ARHGEF28: variants seen among roughly 807,000 people sequenced by gnomAD.
ARHGEF28 encodes the protein 190 kDa guanine nucleotide exchange factor.
In ARHGEF28, 152 loss-of-function variants were observed where a neutral mutation model predicts 206.6. That is an observed-to-expected ratio of 0.74 (90% confidence interval 0.64 to 0.84). ARHGEF28 has a LOEUF of 0.84. Ranked by LOEUF, ARHGEF28 falls within the 40% of genes least tolerant of loss-of-function variation. ARHGEF28 has a pLI of 0.00. For missense variants in ARHGEF28, 2,028 were observed against 2,073.2 expected, an observed-to-expected ratio of 0.98 and a Z score of 0.42; for synonymous variants, 763 against 776.4, an observed-to-expected ratio of 0.98 and a Z score of 0.29.
At chr5:73,924,780 G>A (rs1763708523) in intron 35 of ARHGEF28, among the ~76,000 whole-genome samples, 1 of 152,142 alleles carries the variant, frequency 6.6e-6, no homozygotes, top group Non-Finnish European at 1.5e-5. Context: ...AACTTCTACT[G>A]TGCTCCTGTG....
chr5:73,772,829 A>G (rs1488619001), intron 4 of ARHGEF28, among the ~76,000 whole-genome samples: 2 of 152,204 alleles, frequency 1.3e-5, no homozygotes, highest in African/African-American at 4.8e-5. Flanking sequence ...ACAGTTGGTT[A>G]GTCTTGTGGA....
In ARHGEF28 at chr5:73,706,159, G is replaced by A. The variant is rs144589053; in HGVS notation, c.33+21275G>A. Among the ~76,000 whole-genome samples, 873 of 152,114 alleles carry A rather than the reference G, an allele frequency of 5.7e-3. 1 individual carries two copies. Among genetic ancestry groups the A allele is most frequent in the Non-Finnish European group, 9.1e-3 (620 of 67,956 alleles). Reference sequence around the variant, plus strand: ...TTGTCCGAAGGAACTGAAATAGCCCGGACAGGAAGCAGACAAAGTCTAGTT... The same window carrying A: ...TTGTCCGAAGGAACTGAAATAGCCCAGACAGGAAGCAGACAAAGTCTAGTT... On this transcript the variant is annotated intron_variant, in intron 2 of 35. Coordinates refer to ENST00000513042, the MANE Select transcript of ARHGEF28 (RefSeq NM_001177693.2).
At chr5:73,883,468 T>C (rs1561483785) in intron 23 of ARHGEF28, among the ~76,000 whole-genome samples, 1 of 152,276 alleles carries the variant, frequency 6.6e-6, no homozygotes, top group East Asian at 1.9e-4. Flanking sequence ...TTTATGATTA[T>C]TTTTCAAAAA....
intron 2 of ARHGEF28, among the ~76,000 whole-genome samples, chr5:73,740,504 A>G (rs1751317687): frequency 6.6e-6 from 1 of 152,104 alleles, no homozygotes; most frequent in Admixed American, 6.6e-5. Context: ...GGGGAGCTGA[A>G]CTCTGTCCCC....
intron 9 of ARHGEF28, among the ~76,000 whole-genome samples, chr5:73,796,528 C>T (rs916625887): frequency 5.3e-5 from 8 of 152,166 alleles, no homozygotes; most frequent in Admixed American, 6.5e-5. Flanking sequence ...TGCCAACACA[C>T]GACAGAGCAG....
intron 1 of ARHGEF28, among the ~76,000 whole-genome samples, chr5:73,676,873 T>G (rs1431009614): frequency 6.6e-6 from 1 of 152,242 alleles, no homozygotes; most frequent in Non-Finnish European, 1.5e-5. Context: ...GCATGGCCTA[T>G]GGTGTGTGGC....
intron 35 of ARHGEF28, among the ~76,000 whole-genome samples, chr5:73,940,213 G>C (rs1742511708): frequency 6.6e-6 from 1 of 152,190 alleles, no homozygotes; most frequent in Admixed American, 6.5e-5. Flanking sequence ...AGAATACACA[G>C]TGTCCTGCTG....
rs180762267 is a variant in ARHGEF28, at chr5:73,807,969, C to G, written c.1024+12578C>G. On this transcript the variant is annotated intron_variant, in intron 9 of 35. Coordinates refer to ENST00000513042, the MANE Select transcript of ARHGEF28 (RefSeq NM_001177693.2). ...ATCATATATCAGTAACTTCTTCTAG[C>G]TGGGCTTCTAGGTGATATTCATTTT... Among the ~76,000 whole-genome samples the G allele has an allele frequency of 5.9e-4, 89 of 152,042 alleles. 1 individual carries two copies. The East Asian group carries it at 0.016, about 28-fold the overall frequency.
intron 26 of ARHGEF28, among the ~76,000 whole-genome samples, chr5:73,889,190 T>C (rs1165477824): frequency 6.6e-6 from 1 of 152,222 alleles, no homozygotes; most frequent in Non-Finnish European, 1.5e-5. Flanking sequence ...TAGAAAGTTT[T>C]CCTCAAGCTA....
intron 9 of ARHGEF28, among the ~76,000 whole-genome samples, chr5:73,824,243 G>A (rs1224819118): frequency 6.6e-6 from 1 of 152,198 alleles, no homozygotes; most frequent in East Asian, 1.9e-4. Flanking sequence ...AGGCATAAGA[G>A]GTGCATGGTA....
chr5:73,820,392 TG>T lies in ARHGEF28; in HGVS notation c.1025-11944del, dbSNP rs545555847. Among the ~76,000 whole-genome samples the T allele has an allele frequency of 1.4e-3, 206 of 151,784 alleles. 1 individual carries two copies. Among genetic ancestry groups the T allele is most frequent in the Admixed American group, 4.6e-3 (70 of 15,228 alleles). The stretch of plus-strand genomic sequence containing the variant: ...GGTGACAGTGGAGGTTAATGGGGGG[TG>T]GAGGTGGAGGGATGGAAAGTCCCAA... On this transcript the variant is annotated intron_variant, in intron 9 of 35. Coordinates refer to ENST00000513042, the MANE Select transcript of ARHGEF28 (RefSeq NM_001177693.2).
chr5:73,915,888 A>T (rs983045820), intron 35 of ARHGEF28, among the ~76,000 whole-genome samples: 1 of 152,186 alleles, frequency 6.6e-6, no homozygotes, highest in Non-Finnish European at 1.5e-5. Flanking sequence ...TGATTTTGTT[A>T]TGCATAGGCT....
intron 2 of ARHGEF28, among the ~76,000 whole-genome samples, chr5:73,713,216 G>A (rs923887971): frequency 2.0e-5 from 3 of 152,288 alleles, no homozygotes; most frequent in South Asian, 2.1e-4. Flanking sequence ...CTGGTGGAAC[G>A]TATTTCCCAA....
chr5:73,791,223 A>T (rs923258432), intron 7 of ARHGEF28, among the ~76,000 whole-genome samples: 10 of 152,208 alleles, frequency 6.6e-5, no homozygotes, highest in African/African-American at 1.9e-4. Flanking sequence ...GTTGAGCGGA[A>T]ATCGATCTGG....
At position 73,894,294 on chromosome 5, in the gene ARHGEF28, T is replaced by A. The variant is rs2973530; in HGVS notation, c.3659-99T>A. 763,664 of 1,248,902 alleles carry A rather than the reference T, an allele frequency of 0.61. 236,110 individuals carry two copies. The highest frequency in any genetic ancestry group is 0.77 in the African/African-American group (51,291 of 66,644). The allele number at this position is 1,248,902 out of a possible 1,614,324, so 77.4% of individuals were successfully genotyped here. The stretch of plus-strand genomic sequence containing the variant: ...CAACCTGGGTTTTCTCTTGGAGGTC[T>A]TACTGCTTGCTAATTAGCAACATCT... On this transcript the variant is annotated intron_variant, in intron 28 of 35. Coordinates refer to ENST00000513042, the MANE Select transcript of ARHGEF28 (RefSeq NM_001177693.2).
chr5:73,928,393 G>A (rs35422223), intron 35 of ARHGEF28, among the ~76,000 whole-genome samples: 15,766 of 152,122 alleles, frequency 0.1, 955 homozygotes, highest in African/African-American at 0.18. Context: ...TCCAGCCTGG[G>A]TGACATAGTC....
intron 9 of ARHGEF28, among the ~76,000 whole-genome samples, chr5:73,810,930 C>T (rs1755802327): frequency 6.6e-6 from 1 of 152,132 alleles, no homozygotes; most frequent in South Asian, 2.1e-4. Context: ...TTTCCCATAG[C>T]ATCAGTCAAC....
At chr5:73,826,321 C>T (rs1222386907) in intron 9 of ARHGEF28, among the ~76,000 whole-genome samples, 3 of 152,122 alleles carry the variant, frequency 2.0e-5, no homozygotes, top group Admixed American at 1.3e-4. Flanking sequence ...GTTAGTTATT[C>T]TCAGTGAACG....
intron 33 of ARHGEF28, 30 bp from the exon 34 acceptor site, chr5:73,909,382 C>G: frequency 6.4e-7 from 1 of 1,564,988 alleles, no homozygotes; most frequent in Non-Finnish European, 8.7e-7. Flanking sequence ...ACCTTGTGTT[C>G]AGTGATTTTT....
Sources: allele counts gnomAD v4.1 joint callset (sites outside exome capture counted in the v4.1 genomes callset), GRCh38; gene constraint gnomAD v4.1.1; transcripts MANE v1.5; gene names NCBI Gene and HGNC (gene_info 2026-07-23, HGNC 2026-07-21).